Variants in TFEC observed in about 807,000 individuals in gnomAD.
TFEC encodes class E basic helix-loop-helix protein 34.
TFEC carries 31 observed loss-of-function variants against 41.6 expected under a neutral mutation model. The ratio of observed to expected loss-of-function variants is 0.74; its 90% confidence interval spans 0.56 to 1.01. The LOEUF (loss-of-function observed/expected upper bound fraction) is 1.01, where lower values mean the gene tolerates loss of function less well. TFEC is among the 50% of genes least tolerant of loss of function. TFEC has a pLI of 0.00. For synonymous variants in TFEC, 143 were observed against 140.6 expected, an observed-to-expected ratio of 1.02 and a Z score of -0.12; for missense variants, 402 against 404.1, an observed-to-expected ratio of 0.99 and a Z score of 0.04.
chr7:116,035,276 A>C (rs1300884072), upstream of TFEC, among the ~76,000 whole-genome samples: 1 of 151,960 alleles, frequency 6.6e-6, no homozygotes, highest in Non-Finnish European at 1.5e-5. Flanking sequence ...AAGCTTTACC[A>C]TAATACATTC....
intron 1 of TFEC, among the ~76,000 whole-genome samples, chr7:115,991,541 C>A (rs1324615689): frequency 6.6e-6 from 1 of 151,832 alleles, no homozygotes; most frequent in African/African-American, 2.4e-5. Flanking sequence ...ATCTACCAAG[C>A]AAATGGAAAA....
intron 3 of TFEC, among the ~76,000 whole-genome samples, chr7:116,082,698 T>C (rs758162052): frequency 2.0e-4 from 30 of 151,980 alleles, no homozygotes; most frequent in Non-Finnish European, 4.1e-4. Context: ...ATAATTTTTT[T>C]TGGCAAACAT....
intron 1 of TFEC, among the ~76,000 whole-genome samples, chr7:115,985,022 A>G (rs1793788827): frequency 8.4e-6 from 1 of 119,638 alleles, no homozygotes; most frequent in South Asian, 2.6e-4. Context: ...ATGGGTAGTG[A>G]AAATCTAGAT....
intron 1 of TFEC, among the ~76,000 whole-genome samples, chr7:115,991,912 C>T (rs951337541): frequency 1.3e-5 from 2 of 152,212 alleles, no homozygotes; most frequent in Non-Finnish European, 2.9e-5. Flanking sequence ...ACATTCTTCT[C>T]AGCACCACAT....
At chr7:116,155,605 G>T (rs540264167) in intron 1 of TFEC, among the ~76,000 whole-genome samples, 7 of 152,278 alleles carry the variant, frequency 4.6e-5, no homozygotes, top group Admixed American at 2.0e-4. Flanking sequence ...AACACTTCTA[G>T]GGAGAAATGT....
intron 2 of TFEC, among the ~76,000 whole-genome samples, chr7:115,977,291 C>T (rs1793426574): frequency 6.6e-6 from 1 of 151,900 alleles, no homozygotes; most frequent in Non-Finnish European, 1.5e-5. Flanking sequence ...AAAGAAAGAG[C>T]AAATTGCTTG....
chr7:115,946,590 CTTCT>C lies in TFEC; in HGVS notation c.515+4280_515+4283del, dbSNP rs1030184791. ...GCTACCATATCAAGCTTGCTCTTTC[CTTCT>C]TTCTTTCTTTCTTTTTTCTTTCTTT... is the stretch of plus-strand genomic sequence containing the variant. On this transcript the variant is annotated intron_variant, in intron 6 of 7. Transcript: ENST00000265440. Among the ~76,000 whole-genome samples the C allele has an allele frequency of 1.7e-4, 25 of 144,980 alleles. 1 individual carries two copies. The highest frequency in any genetic ancestry group is 5.1e-4 in the South Asian group (2 of 3,916).
chr7:116,082,744 G>C (rs1158875794), intron 3 of TFEC, among the ~76,000 whole-genome samples: 1 of 151,872 alleles, frequency 6.6e-6, no homozygotes, highest in Non-Finnish European at 1.5e-5. Flanking sequence ...CTAATTAGTA[G>C]AGATTTCATT....
At chr7:116,148,858 G>A (rs1463806115) in intron 1 of TFEC, among the ~76,000 whole-genome samples, 1 of 151,144 alleles carries the variant, frequency 6.6e-6, no homozygotes, top group East Asian at 1.9e-4. Flanking sequence ...CTAATTAAAC[G>A]CACAACACTC....
At chr7:116,117,212 T>C (rs1184642913) in intron 1 of TFEC, among the ~76,000 whole-genome samples, 1 of 151,770 alleles carries the variant, frequency 6.6e-6, no homozygotes, top group Non-Finnish European at 1.5e-5. Context: ...TAAGATTGCT[T>C]TGTTGGAGAA....
rs1425148317 is a variant in TFEC, at chr7:115,956,939, C to T, written c.268-146G>A. On this transcript the variant is annotated intron_variant, in intron 3 of 7. Coordinates refer to ENST00000265440, the MANE Select transcript of TFEC (RefSeq NM_012252.4). ...TGGGGCATTTTGCTTTTAAACAAGA[C>T]GAGTATGCATTAACTTTTTAAAAGA... The T allele has an allele frequency of 5.2e-5, 23 of 443,764 alleles. No homozygotes were observed. The East Asian group carries it at 6.9e-4, about 13-fold the overall frequency. 27.5% of individuals were successfully genotyped at this position (443,764 alleles called of 1,614,324 possible). A position where few individuals can be genotyped will look rare whatever the true frequency, so the allele number is the denominator to read the frequency against.
intron 1 of TFEC, among the ~76,000 whole-genome samples, chr7:115,997,244 G>A (rs1794404575): frequency 6.6e-6 from 1 of 152,168 alleles, no homozygotes; most frequent in Non-Finnish European, 1.5e-5. Flanking sequence ...CACAGAGAAA[G>A]ACTCCATTTG....
chr7:116,112,054 AAGAG>A (rs2116103324), intron 1 of TFEC: 1 of 978,730 alleles, frequency 1.0e-6, no homozygotes, highest in South Asian at 4.7e-5. Flanking sequence ...AAGAAAAAAA[AAGAG>A]AGAAGTTACT....
chr7:116,034,875 T>G (rs1258370594), upstream of TFEC, among the ~76,000 whole-genome samples: 1 of 152,136 alleles, frequency 6.6e-6, no homozygotes, highest in African/African-American at 2.4e-5. Flanking sequence ...TTTAACTCTT[T>G]GTGGAATATC....
intron 3 of TFEC, among the ~76,000 whole-genome samples, chr7:115,959,665 G>T (rs1193513450): frequency 6.6e-6 from 1 of 151,102 alleles, no homozygotes; most frequent in African/African-American, 2.4e-5. Flanking sequence ...AGACCAAGGA[G>T]AAATGAGAGA....
At chr7:116,116,512 T>C (rs1198818196) in intron 1 of TFEC, among the ~76,000 whole-genome samples, 1 of 151,886 alleles carries the variant, frequency 6.6e-6, no homozygotes, top group Non-Finnish European at 1.5e-5. Context: ...TAAGTTGAAA[T>C]GTTCAAGCAC....
At chr7:116,148,967 A>G (rs1798702910) in intron 1 of TFEC, among the ~76,000 whole-genome samples, 1 of 152,180 alleles carries the variant, frequency 6.6e-6, no homozygotes, top group African/African-American at 2.4e-5. Context: ...AGATAAGGGT[A>G]AATGGATCCA....
At chr7:116,084,326 C>G (rs144741270) in intron 3 of TFEC, among the ~76,000 whole-genome samples, 1 of 151,988 alleles carries the variant, frequency 6.6e-6, no homozygotes, top group African/African-American at 2.4e-5. Context: ...CTTTCCTAAA[C>G]TCCTAATAGT....
chr7:116,158,441 CTTCT>C (rs1798912756), intron 1 of TFEC, among the ~76,000 whole-genome samples: 2 of 152,134 alleles, frequency 1.3e-5, no homozygotes, highest in Admixed American at 1.3e-4. Flanking sequence ...TGAATTCCCT[CTTCT>C]TGTCAGCTTT....
Sources: gnomAD v4.1 joint callset for allele counts (sites outside exome capture counted in the v4.1 genomes callset) on GRCh38, gnomAD v4.1.1 for gene constraint, MANE v1.5 for transcripts, NCBI Gene and HGNC (gene_info 2026-07-23, HGNC 2026-07-21) for gene names.